Variants in RASGRF2 observed in about 807,000 individuals in gnomAD.
RASGRF2 encodes Ras protein specific guanine nucleotide releasing factor 2.
A neutral mutation model predicts 151.0 loss-of-function variants in RASGRF2; 76 were observed. The observed-to-expected ratio is 0.50, with a 90% CI of 0.42 to 0.61. RASGRF2 has a LOEUF of 0.61. RASGRF2 is among the 20% of genes least tolerant of loss of function. RASGRF2 has a pLI of 0.00. For synonymous variants in RASGRF2, 504 were observed against 566.5 expected, an observed-to-expected ratio of 0.89 and a Z score of 1.57; for missense variants, 1,148 against 1,564.6, an observed-to-expected ratio of 0.73 and a Z score of 4.49.
At chr5:81,151,666 C>A (rs1754138400) in intron 17 of RASGRF2, among the ~76,000 whole-genome samples, 1 of 152,162 alleles carries the variant, frequency 6.6e-6, no homozygotes, top group Admixed American at 6.5e-5. Context: ...CTGCTATTTT[C>A]TTACTTAAGA....
intron 19 of RASGRF2, among the ~76,000 whole-genome samples, chr5:81,206,101 C>T (rs1439738667): frequency 6.6e-6 from 1 of 152,198 alleles, no homozygotes; most frequent in African/African-American, 2.4e-5. Flanking sequence ...TACTGGACTC[C>T]AGTTTTCCTG....
chr5:80,977,656 C>T (rs562857643), intron 1 of RASGRF2, among the ~76,000 whole-genome samples: 473 of 152,190 alleles, frequency 3.1e-3, no homozygotes, highest in African/African-American at 0.011. Context: ...GGGGTTTCGC[C>T]GTGTTGGTGA....
chr5:81,208,383 T>G lies in RASGRF2; in HGVS notation c.3101T>G (p.Leu1034Arg), dbSNP rs753285659. Residue 1034 changes from leucine to arginine, a missense_variant, in exon 22 of 27, where the codon CTG becomes CGG. Around this residue, in one of 5 missense-constraint regions of RASGRF2, gnomAD observed 646 missense variants for 807.4 expected, o/e 0.80. Transcript: ENST00000265080. The stretch of plus-strand genomic sequence containing the variant: ...TTTCTTGGGCAGGGGTGGATGAAGC[T>G]GGATAAAAACGAAAGAACTCCTTAC... ...EEFLGQGWMK[L>R]DKNERTPYIM... 1.9e-6 allele frequency: 3 copies of G among 1,614,028 alleles called. No individual in the cohort carries two copies. Among genetic ancestry groups the G allele is most frequent in the Non-Finnish European group, 1.7e-6 (2 of 1,179,984 alleles).
chr5:81,031,672 C>T (rs1750254119), intron 1 of RASGRF2, among the ~76,000 whole-genome samples: 1 of 152,158 alleles, frequency 6.6e-6, no homozygotes, highest in Non-Finnish European at 1.5e-5. Flanking sequence ...AAATTTATAG[C>T]ACTAAATGCC....
At chr5:81,199,897 C>A (rs372292152) in intron 18 of RASGRF2, among the ~76,000 whole-genome samples, 745 of 95,004 alleles carry the variant, frequency 7.8e-3, no homozygotes, top group Middle Eastern at 0.027. Flanking sequence ...GACTCCATCT[C>A]AAAAAAAAAA....
chr5:81,104,185 T>A (rs903582608), intron 12 of RASGRF2, among the ~76,000 whole-genome samples: 2 of 152,118 alleles, frequency 1.3e-5, no homozygotes, highest in African/African-American at 4.8e-5. Flanking sequence ...AAAATGATGA[T>A]CTGTAGAAAA....
rs1750253242 is a variant in RASGRF2, at chr5:81,031,653, T to C, written c.289-11224T>C. 2.0e-5 allele frequency among the ~76,000 whole-genome samples: 3 copies of C among 152,202 alleles called. No individual in the cohort carries two copies. In the South Asian group the frequency reaches 6.2e-4, roughly 32 times the overall value. On this transcript the variant is annotated intron_variant, in intron 1 of 26. Coordinates refer to ENST00000265080, the MANE Select transcript of RASGRF2 (RefSeq NM_006909.3). ...TCTCTGGGACACATTTAAAGCAGTG[T>C]GTATAGGAAAATTTATAGCACTAAA...
intron 5 of RASGRF2, 97 bp from the exon 6 acceptor site, chr5:81,080,024 T>C: frequency 7.0e-7 from 1 of 1,432,528 alleles, no homozygotes; most frequent in East Asian, 2.6e-5. Flanking sequence ...ATGGGACATA[T>C]ATATTATGTA....
At chr5:81,224,820 G>A (rs1755934940) in intron 26 of RASGRF2, among the ~76,000 whole-genome samples, 1 of 152,194 alleles carries the variant, frequency 6.6e-6, no homozygotes, top group South Asian at 2.1e-4. Flanking sequence ...TCGATATGAG[G>A]TTCCAAAATA....
rs893027261 is a variant in RASGRF2 at position 81,137,617 on chromosome 5, A to G, written c.2686+10454A>G. Among the ~76,000 whole-genome samples the G allele has an allele frequency of 2.0e-5, 3 of 152,170 alleles. No individual in the cohort carries two copies. In the East Asian group the frequency reaches 5.8e-4, roughly 29 times the overall value. The stretch of plus-strand genomic sequence containing the variant: ...ATTAAGGTTAAATCAGGTCATATGG[A>G]TGAACCCTATAAGGAGGCTATTAGG... On this transcript the variant is annotated intron_variant, in intron 17 of 26. Transcript: ENST00000265080.
In RASGRF2 at chr5:81,038,871, C is replaced by T. The variant is rs557402862; in HGVS notation, c.289-4006C>T. ...GATTACAAGCATGAGCCCCTGTGCC[C>T]GGCCTATATTCTTGACACTAATTTT... On this transcript the variant is annotated intron_variant, in intron 1 of 26. Transcript: ENST00000265080. Among the ~76,000 whole-genome samples the T allele has an allele frequency of 2.2e-4, 33 of 152,172 alleles. 1 individual carries two copies. Among genetic ancestry groups the T allele is most frequent in the Middle Eastern group, 3.4e-3 (1 of 294 alleles).
At chr5:80,986,357 G>A (rs1244927988) in intron 1 of RASGRF2, among the ~76,000 whole-genome samples, 5 of 152,164 alleles carry the variant, frequency 3.3e-5, no homozygotes, top group Non-Finnish European at 7.3e-5. Flanking sequence ...CCCATACACA[G>A]CTCTTATAGC....
intron 17 of RASGRF2, among the ~76,000 whole-genome samples, chr5:81,146,309 T>C (rs1561230731): frequency 6.6e-6 from 1 of 152,148 alleles, no homozygotes; most frequent in Non-Finnish European, 1.5e-5. Context: ...ATTGTCTGTG[T>C]GTAAGGCTGA....
chr5:80,974,785 T>C (rs1250005109), intron 1 of RASGRF2, among the ~76,000 whole-genome samples: 2 of 152,200 alleles, frequency 1.3e-5, no homozygotes, highest in Admixed American at 6.5e-5. Context: ...AGCAAACTAA[T>C]AGTTGCCTGT....
intron 17 of RASGRF2, among the ~76,000 whole-genome samples, chr5:81,141,208 C>G (rs920815053): frequency 6.6e-6 from 1 of 152,162 alleles, no homozygotes; most frequent in Non-Finnish European, 1.5e-5. Flanking sequence ...TCCAGAGACA[C>G]TCCTAAATAT....
intron 2 of RASGRF2, among the ~76,000 whole-genome samples, chr5:81,067,637 A>G (rs747856006): frequency 9.9e-5 from 15 of 152,126 alleles, no homozygotes; most frequent in Non-Finnish European, 1.8e-4. Context: ...TTGATTGGCT[A>G]ATATCTTACT....
At chr5:81,080,483 G>A (rs1752055327) in intron 6 of RASGRF2, 113 bp from the exon 7 acceptor site, 1 of 1,188,992 alleles carries the variant, frequency 8.4e-7, no homozygotes, top group Non-Finnish European at 1.2e-6. Context: ...CAGGGTTGCG[G>A]CTCCATGCAT....
chr5:81,126,704 T>G (rs2112571198), intron 16 of RASGRF2, among the ~76,000 whole-genome samples: 1 of 152,384 alleles, frequency 6.6e-6, no homozygotes, highest in South Asian at 2.1e-4. Flanking sequence ...TGGCATGTTT[T>G]CCAAGTTTAT....
Position 81,080,189 on chromosome 5 carries a change from C to T in RASGRF2, c.956C>T (p.Thr319Ile). Residue 319 changes from threonine (T) to isoleucine (I), a missense_variant, in exon 6 of 27, where the codon ACT (threonine) becomes ATT (isoleucine). This residue lies in a region of RASGRF2 where 176 missense variants were observed against 309.6 expected (regional missense o/e 0.57). Transcript: ENST00000265080. ...GLKARIANWP[T>I]LILADLFDIL... Reference sequence around the variant, plus strand: ...AAGGCAAGGATAGCAAACTGGCCCACTTTAATTTTAGGTAAGTGCATTCTT... The same window carrying T: ...AAGGCAAGGATAGCAAACTGGCCCATTTTAATTTTAGGTAAGTGCATTCTT... 6.3e-7 allele frequency: 1 copy of T among 1,597,632 alleles called. No homozygotes were observed. The highest frequency in any genetic ancestry group is 8.5e-7 in the Non-Finnish European group (1 of 1,176,580).
Sources: allele counts gnomAD v4.1 joint callset (sites outside exome capture counted in the v4.1 genomes callset), GRCh38; gene constraint gnomAD v4.1.1; regional missense constraint gnomAD v4.1.1; transcripts MANE v1.5; gene names NCBI Gene and HGNC (gene_info 2026-07-23, HGNC 2026-07-21).